NAV3: variants seen among roughly 807,000 people sequenced by gnomAD.
The protein encoded by NAV3 is pore membrane and/or filament interacting like protein 1.
A neutral mutation model predicts 244.7 loss-of-function variants in NAV3; 87 were observed. The observed-to-expected ratio is 0.36, with a 90% CI of 0.30 to 0.42. The LOEUF (loss-of-function observed/expected upper bound fraction) is 0.42, where lower values mean the gene tolerates loss of function less well. Ranked by LOEUF, NAV3 falls within the 20% of genes least tolerant of loss-of-function variation. NAV3 has a pLI of 1.00. For missense variants in NAV3, 2,663 were observed against 2,893.3 expected, an observed-to-expected ratio of 0.92 and a Z score of 1.83; for synonymous variants, 1,126 against 1,042.2, an observed-to-expected ratio of 1.08 and a Z score of -1.55.
intron 2 of NAV3, among the ~76,000 whole-genome samples, chr12:77,701,029 T>C (rs1366165038): frequency 6.6e-6 from 1 of 151,842 alleles, no homozygotes. Flanking sequence ...CTTGTAATTA[T>C]TTTTTGCATG....
At chr12:78,190,809 A>G (rs1056121782) in intron 34 of NAV3, among the ~76,000 whole-genome samples, 1 of 152,114 alleles carries the variant, frequency 6.6e-6, no homozygotes, top group Non-Finnish European at 1.5e-5. Flanking sequence ...ATCAGCCTGA[A>G]CACTCAGATA....
chr12:77,660,060 G>C (rs1277110877), intron 2 of NAV3, among the ~76,000 whole-genome samples: 1 of 151,868 alleles, frequency 6.6e-6, no homozygotes. Flanking sequence ...GTATACATAT[G>C]TAACTAACCT....
At chr12:78,099,943 C>G (rs1012450042) in intron 12 of NAV3, among the ~76,000 whole-genome samples, 1 of 151,898 alleles carries the variant, frequency 6.6e-6, no homozygotes, top group Non-Finnish European at 1.5e-5. Context: ...AGAACAAGAG[C>G]TTTCCATTTT....
At chr12:77,728,879 C>G (rs930946986) in intron 2 of NAV3, among the ~76,000 whole-genome samples, 2 of 151,672 alleles carry the variant, frequency 1.3e-5, no homozygotes, top group South Asian at 2.1e-4. Flanking sequence ...CTCTGCTACC[C>G]CTGAGACAGC....
intron 2 of NAV3, among the ~76,000 whole-genome samples, chr12:77,588,984 C>T (rs572392765): frequency 6.6e-6 from 1 of 152,208 alleles, no homozygotes; most frequent in South Asian, 2.1e-4. Flanking sequence ...GGAATGAGTA[C>T]TAAGAGTCCT....
At chr12:77,655,510 G>C (rs1351142367) in intron 2 of NAV3, among the ~76,000 whole-genome samples, 1 of 152,148 alleles carries the variant, frequency 6.6e-6, no homozygotes, top group Non-Finnish European at 1.5e-5. Flanking sequence ...GGGGAGAATG[G>C]AACCAAGTTG....
chr12:77,724,723 TG>T (rs1430539436), intron 2 of NAV3, among the ~76,000 whole-genome samples: 2 of 151,732 alleles, frequency 1.3e-5, no homozygotes, highest in African/African-American at 4.8e-5. Context: ...GAGCTGACCA[TG>T]GGCAAAAAAA....
intron 1 of NAV3, among the ~76,000 whole-genome samples, chr12:77,928,252 G>T (rs940367026): frequency 6.7e-6 from 1 of 149,880 alleles, no homozygotes; most frequent in Non-Finnish European, 1.5e-5. Context: ...AAGAGAGAGA[G>T]GGAAGGAAAA....
chr12:78,143,996 A>G (rs1308402235), intron 20 of NAV3, among the ~76,000 whole-genome samples: 1 of 152,186 alleles, frequency 6.6e-6, no homozygotes, highest in Non-Finnish European at 1.5e-5. Context: ...AAATGGGAAA[A>G]TGAAAGACAG....
intron 9 of NAV3, among the ~76,000 whole-genome samples, chr12:78,038,134 A>G (rs1880228123): frequency 6.6e-6 from 1 of 152,248 alleles, no homozygotes; most frequent in African/African-American, 2.4e-5. Context: ...AAGTGATTCT[A>G]TAGTTTGTGA....
At chr12:77,771,981 G>GA (rs1870115526) in intron 2 of NAV3, among the ~76,000 whole-genome samples, 2 of 152,124 alleles carry the variant, frequency 1.3e-5, no homozygotes, top group Admixed American at 1.3e-4. Flanking sequence ...GACCAAGTAT[G>GA]AAAAATTAAT....
intron 2 of NAV3, among the ~76,000 whole-genome samples, chr12:77,739,977 A>G (rs1868298640): frequency 6.6e-6 from 1 of 152,224 alleles, no homozygotes; most frequent in Admixed American, 6.5e-5. Flanking sequence ...TACAAAGTGC[A>G]AAATCAGATT....
intron 38 of NAV3, among the ~76,000 whole-genome samples, chr12:78,200,826 C>T (rs1959588814): frequency 6.6e-6 from 1 of 151,918 alleles, no homozygotes. Context: ...ACATTTAAGT[C>T]CAAATGGTTG....
intron 12 of NAV3, among the ~76,000 whole-genome samples, chr12:78,098,032 A>G (rs949835920): frequency 6.6e-6 from 1 of 152,108 alleles, no homozygotes; most frequent in African/African-American, 2.4e-5. Context: ...TATCCAAAAA[A>G]CAGCCTGTAC....
chr12:78,061,877 C>T (rs1440814193), intron 12 of NAV3, among the ~76,000 whole-genome samples: 1 of 151,992 alleles, frequency 6.6e-6, no homozygotes, highest in African/African-American at 2.4e-5. Flanking sequence ...TTTGTCTTAA[C>T]CTTTTAATCC....
chr12:77,748,731 G>T (rs1233091276), intron 2 of NAV3, among the ~76,000 whole-genome samples: 4 of 152,096 alleles, frequency 2.6e-5, no homozygotes, highest in Non-Finnish European at 5.9e-5. Flanking sequence ...CCTAGGGCTT[G>T]GGGGAGATGG....
intron 1 of NAV3, among the ~76,000 whole-genome samples, chr12:77,911,699 A>T (rs956366477): frequency 6.6e-6 from 1 of 152,160 alleles, no homozygotes; most frequent in Admixed American, 6.6e-5. Flanking sequence ...GAAAAAATGT[A>T]TTCGAAGGAT....
intron 2 of NAV3, among the ~76,000 whole-genome samples, chr12:77,774,535 C>A (rs1727891965): frequency 6.6e-6 from 1 of 152,028 alleles, no homozygotes; most frequent in South Asian, 2.1e-4. Context: ...AGGGTACATA[C>A]CCCTCTAGAT....
rs1452175472 is a variant in NAV3, at chr12:78,055,791, T to C, written c.2517-3205T>C. ...GAACAGCTGCATGACCACATCTGAC[T>C]GTAAAAGAGACTAGGTTATATGGTT... On this transcript the variant is annotated intron_variant, in intron 11 of 39. Coordinates refer to ENST00000397909, the MANE Select transcript of NAV3 (RefSeq NM_001024383.2). Among the ~76,000 whole-genome samples the C allele has an allele frequency of 1.3e-5, 2 of 152,198 alleles. 1 individual carries two copies. The highest frequency in any genetic ancestry group is 3.9e-4 in the East Asian group (2 of 5,188).
Sources: allele counts gnomAD v4.1 joint callset (sites outside exome capture counted in the v4.1 genomes callset), GRCh38; gene constraint gnomAD v4.1.1; transcripts MANE v1.5; gene names NCBI Gene and HGNC (gene_info 2026-07-23, HGNC 2026-07-21).